ZNF521: variants seen among roughly 807,000 people sequenced by gnomAD.
The protein encoded by ZNF521 is zinc finger protein 521.
A neutral mutation model predicts 105.5 loss-of-function variants in ZNF521; 14 were observed. The ratio of observed to expected loss-of-function variants is 0.13; its 90% CI spans 0.09 to 0.21. The LOEUF (loss-of-function observed/expected upper bound fraction) is 0.21. ZNF521 is among the 10% of genes least tolerant of loss of function. The pLI, the probability that ZNF521 is intolerant of heterozygous loss-of-function variation, is 1.00. For missense variants in ZNF521, 1,233 were observed against 1,629.7 expected (o/e 0.76, Z 4.19); for synonymous variants, 635 against 606.0 (o/e 1.05, Z -0.70).
rs1267858776 is a variant in ZNF521, at chr18:25,144,354, C to T, written c.3658+50806G>A. ...CACACCAGGAAAAAGAAGTTCATTACCTAAGCCAAATCAAAATTAGGCTTT... is the reference window on the plus strand; with the variant it reads ...CACACCAGGAAAAAGAAGTTCATTATCTAAGCCAAATCAAAATTAGGCTTT... On this transcript the variant is annotated intron_variant, in intron 5 of 7. Transcript: ENST00000361524. 2.0e-5 allele frequency among the ~76,000 whole-genome samples: 3 copies of T among 152,154 alleles called. No homozygotes were observed. In the East Asian group the frequency reaches 5.8e-4, roughly 29 times the overall value.
chr18:25,100,623 A>G (rs2033947311), intron 5 of ZNF521, among the ~76,000 whole-genome samples: 1 of 152,142 alleles, frequency 6.6e-6, no homozygotes, highest in African/African-American at 2.4e-5. Context: ...CTATTTGCAA[A>G]TGAGTCACAT....
intron 3 of ZNF521, among the ~76,000 whole-genome samples, chr18:25,264,802 G>C (rs1302535100): frequency 2.0e-5 from 3 of 152,178 alleles, no homozygotes; most frequent in Non-Finnish European, 4.4e-5. Flanking sequence ...CTTTATAAGA[G>C]GGAAGAAAAC....
rs201698806 is a variant in ZNF521, at chr18:25,226,469, G to A, written c.1449C>T (p.Ser483=). The change falls in exon 4 of 8, where the codon TCC becomes TCT. Residue 483 remains serine, a synonymous_variant. Coordinates refer to ENST00000361524, the MANE Select transcript of ZNF521 (RefSeq NM_015461.3). This position sits in a 1 kb window ranked among gnomAD's most constrained non-coding sequence, Gnocchi z 4.1. ...GAGTGTTGAGGTCGTTGACAACTTC[G>A]GAACAGAAGTTACACTGGTAGACAA... ...PAIVYQCNFC[S]EVVNDLNTLQ... is the part of the protein sequence containing the mutation. 98 of 1,614,124 alleles carry A rather than the reference G, an allele frequency of 6.1e-5. No homozygotes were observed. The South Asian group carries it at 8.6e-4, about 14-fold the overall frequency.
intron 5 of ZNF521, among the ~76,000 whole-genome samples, chr18:25,148,706 T>C (rs921895657): frequency 1.3e-5 from 2 of 152,044 alleles, no homozygotes; most frequent in African/African-American, 2.4e-5. Context: ...TCGGTCATAG[T>C]CAGTGAAGGA....
At chr18:25,109,900 G>C (rs1361413864) in intron 5 of ZNF521, among the ~76,000 whole-genome samples, 2 of 152,154 alleles carry the variant, frequency 1.3e-5, no homozygotes, top group Non-Finnish European at 2.9e-5. Context: ...TCTGAAGATT[G>C]TCTGTTTATC....
intron 3 of ZNF521, among the ~76,000 whole-genome samples, chr18:25,267,629 G>A (rs915793039): frequency 3.9e-5 from 6 of 152,160 alleles, no homozygotes; most frequent in Non-Finnish European, 8.8e-5. Context: ...GTGATACCCC[G>A]GCAAACAGGG....
chr18:25,250,751 A>C (rs1273395068), intron 3 of ZNF521, among the ~76,000 whole-genome samples: 1 of 152,214 alleles, frequency 6.6e-6, no homozygotes, highest in East Asian at 1.9e-4. Context: ...ATTTCCCTCA[A>C]ACACAATAAT....
At chr18:25,266,938 C>CG (rs1329782635) in intron 3 of ZNF521, among the ~76,000 whole-genome samples, 2 of 152,180 alleles carry the variant, frequency 1.3e-5, no homozygotes, top group African/African-American at 4.8e-5. Flanking sequence ...ACCGTTCATT[C>CG]CCTGGAAAGT....
chr18:25,134,447 A>G (rs372455005), intron 5 of ZNF521, among the ~76,000 whole-genome samples: 1 of 152,110 alleles, frequency 6.6e-6, no homozygotes, highest in Non-Finnish European at 1.5e-5. Flanking sequence ...TCCCATTCCT[A>G]ATGAGCAGGG....
chr18:25,186,544 A>G (rs1167584511), intron 5 of ZNF521, among the ~76,000 whole-genome samples: 2 of 152,180 alleles, frequency 1.3e-5, no homozygotes, highest in Admixed American at 1.3e-4. Flanking sequence ...CATGAAAACT[A>G]TAGTTAAAGC....
intron 2 of ZNF521, among the ~76,000 whole-genome samples, chr18:25,330,020 C>T (rs1014184508): frequency 1.3e-5 from 2 of 152,136 alleles, no homozygotes; most frequent in Non-Finnish European, 2.9e-5. Context: ...TTGGTGGAGC[C>T]ATTCCTAGAC....
chr18:25,284,569 A>G (rs1365094411), intron 3 of ZNF521, among the ~76,000 whole-genome samples: 1 of 152,212 alleles, frequency 6.6e-6, no homozygotes, highest in East Asian at 1.9e-4. Context: ...AGGAAAATTA[A>G]AAAGAGAGGC....
Position 25,227,780 on chromosome 18 carries a change from A to G in ZNF521, c.221-83T>C. ...TACCGTAGCATTTCAACCAGCACGC[A>G]GAGTTGGGCCCTCTTGAATCTTTCA... On this transcript the variant is annotated intron_variant, in intron 3 of 7. Coordinates refer to ENST00000361524, the MANE Select transcript of ZNF521 (RefSeq NM_015461.3). The surrounding 1 kb of genome is among the most constrained non-coding windows in gnomAD (Gnocchi z 5.7). 1 of 1,155,554 alleles carries G rather than the reference A, an allele frequency of 8.7e-7. No individual in the cohort carries two copies. Among genetic ancestry groups the G allele is most frequent in the Non-Finnish European group, 1.2e-6 (1 of 824,070 alleles). The allele number at this position is 1,155,554 out of a possible 1,614,324, so 71.6% of individuals were successfully genotyped here. A position where few individuals can be genotyped will look rare whatever the true frequency, so the allele number is the denominator to read the frequency against.
intron 4 of ZNF521, among the ~76,000 whole-genome samples, chr18:25,207,080 GA>G (rs60487171): frequency 0.47 from 71,766 of 151,650 alleles, 17,384 homozygotes; most frequent in African/African-American, 0.58. Context: ...TGAAAAATAG[GA>G]AAAAAAATGC....
chr18:25,338,605 A>T (rs529445503), intron 2 of ZNF521, among the ~76,000 whole-genome samples: 1 of 152,080 alleles, frequency 6.6e-6, no homozygotes, highest in South Asian at 2.1e-4. Flanking sequence ...AAAGATGGGG[A>T]TTCACCATGT....
intron 3 of ZNF521, among the ~76,000 whole-genome samples, chr18:25,239,557 G>T (rs779885813): frequency 6.6e-6 from 1 of 152,230 alleles, no homozygotes. Context: ...TCTGGAGTAA[G>T]AAGTGAGAAA....
At chr18:25,181,102 T>A (rs1194224955) in intron 5 of ZNF521, among the ~76,000 whole-genome samples, 1 of 152,182 alleles carries the variant, frequency 6.6e-6, no homozygotes, top group Non-Finnish European at 1.5e-5. Flanking sequence ...CCCACGGCAG[T>A]GATCCCTCAC....
chr18:25,333,479 A>T (rs752853910), intron 2 of ZNF521, among the ~76,000 whole-genome samples: 19 of 152,074 alleles, frequency 1.2e-4, no homozygotes, highest in Non-Finnish European at 2.6e-4. Flanking sequence ...GTATTTTTTT[A>T]AAATCCAACA....
chr18:25,329,283 C>CCAA (rs373918904), intron 2 of ZNF521, among the ~76,000 whole-genome samples: 1 of 37,188 alleles, frequency 2.7e-5, no homozygotes, highest in Non-Finnish European at 5.9e-5. Flanking sequence ...GTCCATTTAC[C>CCAA]CAAGTTTGCC....
Sources: allele counts gnomAD v4.1 joint callset (sites outside exome capture counted in the v4.1 genomes callset), GRCh38; gene constraint gnomAD v4.1.1; non-coding constraint Gnocchi (gnomAD v3.1); transcripts MANE v1.5; gene names NCBI Gene and HGNC (gene_info 2026-07-23, HGNC 2026-07-21).